Variants in ACOXL observed in about 807,000 individuals in gnomAD.
ACOXL encodes the protein acyl-CoA oxidase like.
A neutral mutation model predicts 71.9 loss-of-function variants in ACOXL; 70 were observed. The observed-to-expected ratio is 0.97, with a 90% confidence interval of 0.80 to 1.19. ACOXL has a LOEUF of 1.19. ACOXL is among the 50% of genes most tolerant of loss of function. The pLI is 0.00. For missense variants in ACOXL, 703 were observed against 736.3 expected (o/e 0.95, Z 0.52); for synonymous variants, 253 against 281.6 (o/e 0.90, Z 1.02).
chr2:110,790,620 G>T (rs183318597), intron 3 of ACOXL, among the ~76,000 whole-genome samples: 6 of 152,074 alleles, frequency 3.9e-5, no homozygotes, highest in Admixed American at 1.3e-4. Context: ...ACTGCTTTTC[G>T]CAGTCTCTCT....
In ACOXL at chr2:110,961,954, C is replaced by T. The variant is rs536799482; in HGVS notation, c.1060-25154C>T. ...CTACCACTGGGTCCCTCCCATGACACGTGGGGATTATTACAATTCAAGATG... is the reference window on the plus strand; with the variant it reads ...CTACCACTGGGTCCCTCCCATGACATGTGGGGATTATTACAATTCAAGATG... On this transcript the variant is annotated intron_variant, in intron 12 of 17. Transcript: ENST00000439055. Among the ~76,000 whole-genome samples, 10 of 152,336 alleles carry T rather than the reference C, an allele frequency of 6.6e-5. No individual in the cohort carries two copies. The East Asian group carries it at 1.5e-3, about 23-fold the overall frequency.
chr2:110,813,665 G>C (rs575372877), intron 9 of ACOXL, among the ~76,000 whole-genome samples: 28 of 152,132 alleles, frequency 1.8e-4, no homozygotes, highest in Non-Finnish European at 3.5e-4. Flanking sequence ...GCTTGTACAG[G>C]TTACTGTCCT....
intron 1 of ACOXL, among the ~76,000 whole-genome samples, chr2:110,748,096 G>T (rs937506352): frequency 6.6e-6 from 1 of 152,042 alleles, no homozygotes; most frequent in Non-Finnish European, 1.5e-5. Flanking sequence ...GGCCACGTGG[G>T]GCTTAGTGAT....
At chr2:110,792,883 A>G (rs142395755) in intron 3 of ACOXL, among the ~76,000 whole-genome samples, 2 of 152,310 alleles carry the variant, frequency 1.3e-5, no homozygotes, top group African/African-American at 4.8e-5. Context: ...TGGTCACTAT[A>G]TGAAGTATTA....
intron 11 of ACOXL, among the ~76,000 whole-genome samples, chr2:110,930,887 C>A (rs1389265080): frequency 6.6e-6 from 1 of 152,152 alleles, no homozygotes; most frequent in East Asian, 1.9e-4. Context: ...GTCCATTAAA[C>A]CTTTTTGCTT....
intron 9 of ACOXL, among the ~76,000 whole-genome samples, chr2:110,830,926 A>T (rs1380561224): frequency 6.6e-6 from 1 of 152,364 alleles, no homozygotes; most frequent in Non-Finnish European, 1.5e-5. Flanking sequence ...ATTTGACAAA[A>T]TTCAGCACCA....
intron 17 of ACOXL, among the ~76,000 whole-genome samples, chr2:111,108,361 G>T (rs2150071982): frequency 7.4e-6 from 1 of 134,834 alleles, no homozygotes; most frequent in African/African-American, 2.8e-5. Flanking sequence ...ATACATTGAA[G>T]TGCATGAATC....
At chr2:110,988,204 A>G (rs1225460369) in intron 13 of ACOXL, among the ~76,000 whole-genome samples, 3 of 152,192 alleles carry the variant, frequency 2.0e-5, no homozygotes, top group Non-Finnish European at 2.9e-5. Flanking sequence ...TTGGGAGGCC[A>G]GGACAGAAGG....
At chr2:110,961,680 T>C (rs2061703639) in intron 12 of ACOXL, among the ~76,000 whole-genome samples, 1 of 152,216 alleles carries the variant, frequency 6.6e-6, no homozygotes, top group South Asian at 2.1e-4. Context: ...TTGCACTGCT[T>C]AATAAAGACA....
At chr2:110,754,031 C>CGT (rs34282367) in intron 1 of ACOXL, among the ~76,000 whole-genome samples, 4,120 of 141,198 alleles carry the variant, frequency 0.029, 79 homozygotes, top group Non-Finnish European at 0.04. Flanking sequence ...CACATGCACA[C>CGT]GTGTGTGTGT....
At chr2:110,963,497 T>G (rs1270077943) in intron 12 of ACOXL, 3 of 1,305,262 alleles carry the variant, frequency 2.3e-6, no homozygotes, top group African/African-American at 3.0e-5. Context: ...CTCTTTTCAA[T>G]TTTCTGTATA....
intron 1 of ACOXL, among the ~76,000 whole-genome samples, chr2:110,736,658 G>C (rs1315999016): frequency 6.9e-6 from 1 of 145,618 alleles, no homozygotes; most frequent in Non-Finnish European, 1.5e-5. Flanking sequence ...CTCGCTCTGT[G>C]GCCCAGGCTG....
chr2:110,736,026 C>T (rs1676792267), intron 1 of ACOXL, among the ~76,000 whole-genome samples: 1 of 152,118 alleles, frequency 6.6e-6, no homozygotes. Context: ...GCTTCCTTCT[C>T]CCTTTCTTTC....
intron 11 of ACOXL, among the ~76,000 whole-genome samples, chr2:110,916,988 G>A (rs553987414): frequency 7.9e-5 from 12 of 152,266 alleles, no homozygotes; most frequent in South Asian, 2.1e-4. Flanking sequence ...ACAAAGAGGC[G>A]CTGGTACCAT....
chr2:111,057,788 C>G (rs547896678), intron 16 of ACOXL, among the ~76,000 whole-genome samples: 2 of 152,358 alleles, frequency 1.3e-5, no homozygotes, highest in African/African-American at 2.4e-5. Flanking sequence ...TATGAGCGCA[C>G]AGATGGCAGC....
chr2:110,851,974 G>A (rs1050339838), intron 10 of ACOXL, among the ~76,000 whole-genome samples: 1 of 152,252 alleles, frequency 6.6e-6, no homozygotes, highest in Non-Finnish European at 1.5e-5. Flanking sequence ...AGAGCAGGAC[G>A]GAGAGAGAAT....
intron 9 of ACOXL, among the ~76,000 whole-genome samples, chr2:110,817,462 C>T (rs1411179605): frequency 6.6e-6 from 1 of 152,250 alleles, no homozygotes; most frequent in East Asian, 1.9e-4. Context: ...CTGGAGGCTG[C>T]ACTGGAGAAG....
intron 12 of ACOXL, among the ~76,000 whole-genome samples, chr2:110,961,932 C>G (rs2061712699): frequency 6.6e-6 from 1 of 152,226 alleles, no homozygotes; most frequent in Non-Finnish European, 1.5e-5. Flanking sequence ...CAGTTACCTA[C>G]CACTGGGTCC....
intron 10 of ACOXL, among the ~76,000 whole-genome samples, chr2:110,853,169 G>A (rs1692825182): frequency 6.6e-6 from 1 of 152,108 alleles, no homozygotes; most frequent in African/African-American, 2.4e-5. Flanking sequence ...CTAAACTATG[G>A]TGATTTTGCC....
Sources: allele counts gnomAD v4.1 joint callset (sites outside exome capture counted in the v4.1 genomes callset), GRCh38; gene constraint gnomAD v4.1.1; transcripts MANE v1.5; gene names NCBI Gene and HGNC (gene_info 2026-07-23, HGNC 2026-07-21).